GCH1: variants seen among roughly 807,000 people sequenced by gnomAD.
GCH1 encodes the protein GTP cyclohydrolase I.
In GCH1, 5 loss-of-function variants were observed where a neutral mutation model predicts 25.9. That is an observed-to-expected ratio of 0.19 (90% CI 0.10 to 0.41). GCH1 has a LOEUF of 0.41. Ranked by LOEUF, GCH1 falls within the 10% of genes least tolerant of loss-of-function variation. The pLI, the probability that GCH1 is intolerant of heterozygous loss-of-function variation, is 1.00. For missense variants in GCH1, 261 were observed against 336.5 expected, an observed-to-expected ratio of 0.78 and a Z score of 1.75; for synonymous variants, 159 against 129.6, an observed-to-expected ratio of 1.23 and a Z score of -1.54.
At chr14:54,884,466 T>G (rs1416324934) in intron 1 of GCH1, among the ~76,000 whole-genome samples, 3 of 152,132 alleles carry the variant, frequency 2.0e-5, no homozygotes, top group Non-Finnish European at 4.4e-5. Context: ...CTTTTTTTCT[T>G]TTTTTGTAAG....
chr14:54,870,335 CAAAAAAAAAAAAA>C (rs561453897), intron 1 of GCH1, among the ~76,000 whole-genome samples: 3 of 66,606 alleles, frequency 4.5e-5, no homozygotes, highest in East Asian at 5.5e-4. Context: ...CTGTTTTTAC[CAAAAAAAAAAAAA>C]AAAAAAAAAA....
intron 1 of GCH1, among the ~76,000 whole-genome samples, chr14:54,894,256 C>A (rs771631696): frequency 6.6e-6 from 1 of 152,114 alleles, no homozygotes; most frequent in Non-Finnish European, 1.5e-5. Flanking sequence ...GTGGACCCTG[C>A]CTCATATGAC....
At chr14:54,882,960 C>T (rs2040292649) in intron 1 of GCH1, among the ~76,000 whole-genome samples, 1 of 152,192 alleles carries the variant, frequency 6.6e-6, no homozygotes. Flanking sequence ...GCAAAAATCT[C>T]ATTTACTATG....
chr14:54,864,152 G>A (rs540601844), intron 2 of GCH1, among the ~76,000 whole-genome samples: 21 of 152,156 alleles, frequency 1.4e-4, no homozygotes, highest in Middle Eastern at 6.8e-3. Context: ...ATGAACCACC[G>A]TGCCAGCCTA....
rs138389334 is a variant in GCH1 at position 54,859,437 on chromosome 14, G to A, written c.509+244C>T. ...GAAGGCTCTGCAGAGAAAGAGGTGG[G>A]CTGAGACTTCCAGGATGTATGTATC... On this transcript the variant is annotated intron_variant, in intron 3 of 5. Transcript: ENST00000491895. The A allele has an allele frequency of 2.0e-4, 104 of 516,736 alleles. 1 individual carries two copies. In the East Asian group the frequency reaches 3.6e-3, roughly 18 times the overall value. 32.0% of individuals were successfully genotyped at this position (516,736 alleles called of 1,614,324 possible).
At chr14:54,882,249 T>C in intron 1 of GCH1, among the ~76,000 whole-genome samples, 1 of 152,256 alleles carries the variant, frequency 6.6e-6, no homozygotes, top group Middle Eastern at 3.2e-3. Flanking sequence ...TTACAAGTTA[T>C]CCTTCTGCCC....
intron 1 of GCH1, 43 bp downstream of exon 1, chr14:54,902,278 C>A (rs764030056): frequency 1.3e-6 from 2 of 1,597,558 alleles, no homozygotes; most frequent in Non-Finnish European, 1.7e-6. Flanking sequence ...GCAAGCACCG[C>A]CCCCGCCGCC....
rs1476263621 is a variant in GCH1, at chr14:54,843,760, GT to G, written c.*256del. The G allele has an allele frequency of 6.2e-7, 1 of 1,613,938 alleles. No individual in the cohort carries two copies. Among genetic ancestry groups the G allele is most frequent in the Admixed American group, 1.7e-5 (1 of 60,010 alleles). On this transcript the variant is annotated 3_prime_UTR_variant, in exon 6 of 6. Transcript: ENST00000491895. ...CCCAGGCCCCTCTGGTTATCTGGCAGTGGTTTTGTGCACGTACTTACACTAT... is the reference window on the plus strand; with the variant it reads ...CCCAGGCCCCTCTGGTTATCTGGCAGGGTTTTGTGCACGTACTTACACTAT...
Position 54,902,815 on chromosome 14 carries a change from C to G in GCH1, c.-152G>C, listed in dbSNP as rs1296548789. The stretch of plus-strand genomic sequence containing the variant: ...CTTAGATCACACTCCGAGCCGGGAG[C>G]GGCCACAGGCTGGAAAGCCCGGCCG... On this transcript the variant is annotated 5_prime_UTR_variant, in exon 1 of 6. Coordinates refer to ENST00000491895, the MANE Select transcript of GCH1 (RefSeq NM_000161.3). The G allele has an allele frequency of 4.6e-5, 48 of 1,050,704 alleles. No homozygotes were observed. The highest frequency in any genetic ancestry group is 7.3e-5 in the South Asian group (2 of 27,242). 65.1% of individuals were successfully genotyped at this position (1,050,704 alleles called of 1,614,324 possible).
chr14:54,879,621 G>A (rs1566676204), intron 1 of GCH1, among the ~76,000 whole-genome samples: 1 of 152,048 alleles, frequency 6.6e-6, no homozygotes, highest in African/African-American at 2.4e-5. Context: ...TGTAGCAGAA[G>A]GATATGTAGA....
At chr14:54,865,279 A>G in intron 2 of GCH1, 48 bp downstream of exon 2, 1 of 877,630 alleles carries the variant, frequency 1.1e-6, no homozygotes, top group East Asian at 2.6e-5. Context: ...TAATTGAAAA[A>G]CTTTCACTAT....
rs2039578666 is a variant in GCH1, at chr14:54,842,863, T to C, written c.*1154A>G. On this transcript the variant is annotated 3_prime_UTR_variant, in exon 6 of 6. Coordinates refer to ENST00000491895, the MANE Select transcript of GCH1 (RefSeq NM_000161.3). Reference sequence around the variant, plus strand: ...CCAGGATTAAAATACCTATACCATCTATACGGAGTTACAATGAGGACAAGA... The same window carrying C: ...CCAGGATTAAAATACCTATACCATCCATACGGAGTTACAATGAGGACAAGA... 2 of 467,436 alleles carry C rather than the reference T, an allele frequency of 4.3e-6. No individual in the cohort carries two copies. The highest frequency in any genetic ancestry group is 6.5e-5 in the East Asian group (2 of 30,796). The allele number at this position is 467,436 out of a possible 1,614,324, so 29.0% of individuals were successfully genotyped here. A position where few individuals can be genotyped will look rare whatever the true frequency, so the allele number is the denominator to read the frequency against.
intron 1 of GCH1, among the ~76,000 whole-genome samples, chr14:54,886,505 G>A (rs1453541324): frequency 1.3e-5 from 2 of 152,100 alleles, no homozygotes; most frequent in African/African-American, 2.4e-5. Flanking sequence ...CCAGCTGCTC[G>A]GGGGGCTGAG....
chr14:54,866,233 G>C (rs908727051), intron 1 of GCH1, among the ~76,000 whole-genome samples: 9 of 151,904 alleles, frequency 5.9e-5, no homozygotes, highest in Non-Finnish European at 1.0e-4. Context: ...CCTAACATTC[G>C]GTGACTGCAA....
At chr14:54,894,357 G>A (rs1281217207) in intron 1 of GCH1, among the ~76,000 whole-genome samples, 1 of 152,172 alleles carries the variant, frequency 6.6e-6, no homozygotes. Flanking sequence ...ACCATCAACT[G>A]ACGGCCACCA....
intron 1 of GCH1, chr14:54,878,061 T>C (rs1016210907): frequency 1.2e-4 from 18 of 154,504 alleles, no homozygotes; most frequent in African/African-American, 3.1e-4. Context: ...CTCAAATATA[T>C]AGGTAAATAT....
At chr14:54,897,739 C>A (rs916881796) in intron 1 of GCH1, among the ~76,000 whole-genome samples, 6 of 152,204 alleles carry the variant, frequency 3.9e-5, no homozygotes, top group African/African-American at 1.4e-4. Context: ...AGCTCTACTA[C>A]TTGTGTCAAC....
chr14:54,885,613 G>A, intron 1 of GCH1: 3 of 373,584 alleles, frequency 8.0e-6, no homozygotes, highest in South Asian at 4.9e-5. Context: ...GCAGCACAAG[G>A]TGCAGTGGCT....
At chr14:54,875,997 G>A (rs948209763) in intron 1 of GCH1, among the ~76,000 whole-genome samples, 1 of 152,140 alleles carries the variant, frequency 6.6e-6, no homozygotes, top group African/African-American at 2.4e-5. Flanking sequence ...CCATTATTGG[G>A]TATATACCCA....
Sources: gnomAD v4.1 joint callset for allele counts (sites outside exome capture counted in the v4.1 genomes callset) on GRCh38, gnomAD v4.1.1 for gene constraint, MANE v1.5 for transcripts, NCBI Gene and HGNC (gene_info 2026-07-23, HGNC 2026-07-21) for gene names.